Variants in HAPLN2 observed in about 807,000 individuals in gnomAD.
HAPLN2 encodes brain link protein-1.
Under a neutral mutation model 29.3 loss-of-function variants are expected in HAPLN2, and 27 were observed. The ratio of observed to expected loss-of-function variants is 0.92; its 90% CI spans 0.68 to 1.27. The LOEUF (loss-of-function observed/expected upper bound fraction) is 1.27. Ranked by LOEUF, HAPLN2 falls within the 50% of genes most tolerant of loss-of-function variation. The probability of loss-of-function intolerance (pLI) is 0.00; values close to 1 mark genes in which losing one functional copy is unlikely to be tolerated. For missense variants in HAPLN2, 454 were observed against 484.3 expected (o/e 0.94, Z 0.59); for synonymous variants, 208 against 211.7 (o/e 0.98, Z 0.15).
At chr1:156,605,358 G>A in the HAPLN2 span, among the ~76,000 whole-genome samples, 5 of 151,012 alleles carry the variant, frequency 3.3e-5, no homozygotes, top group East Asian at 2.0e-4. Context: ...TTGCGAGGCC[G>A]ACATGGTCAG....
rs1207919606 is a variant in HAPLN2 at position 156,623,033 on chromosome 1, C to CAAAAAAAA, written c.-24-427_-24-426insAAAAAAAA. Among the ~76,000 whole-genome samples the CAAAAAAAA allele has an allele frequency of 7.0e-3, 308 of 43,784 alleles. 18 individuals carry two copies. Among genetic ancestry groups the CAAAAAAAA allele is most frequent in the East Asian group, 0.01 (13 of 1,290 alleles). The allele number at this position is 43,784 out of a possible 152,430, so 28.7% of individuals were successfully genotyped here. ...TGGACCATGGAGCAACACTCTGTCT[C>CAAAAAAAA]AAAAAAATAAATAAATAAATAAATA... On this transcript the variant is annotated intron_variant, in intron 2 of 6. Coordinates refer to ENST00000255039, the MANE Select transcript of HAPLN2 (RefSeq NM_021817.3).
chr1:156,623,997 G>A lies in HAPLN2; in HGVS notation c.276G>A (p.Arg92=), dbSNP rs781216336. The A allele has an allele frequency of 1.2e-6, 2 of 1,609,454 alleles. No individual in the cohort carries two copies. Among genetic ancestry groups the A allele is most frequent in the East Asian group, 4.5e-5 (2 of 44,778 alleles). ...LILITNGLHA[R]GYGPLGGRAR... ...TCATCACCAACGGACTGCACGCCCG[G>A]GGGTATGGGCCCCTGGGAGGGCGCG... The change falls in exon 4 of 7, where the codon CGG becomes CGA. Residue 92 remains arginine (R), a synonymous_variant. Coordinates refer to ENST00000255039, the MANE Select transcript of HAPLN2 (RefSeq NM_021817.3).
chr1:156,604,139 C>A, the HAPLN2 span, among the ~76,000 whole-genome samples: 1 of 151,934 alleles, frequency 6.6e-6, no homozygotes, highest in Non-Finnish European at 1.5e-5. Context: ...ATGCAGATAA[C>A]AAGATGCATA....
At chr1:156,624,899 C>A in intron 6 of HAPLN2, 116 bp downstream of exon 6, 1 of 1,276,576 alleles carries the variant, frequency 7.8e-7, no homozygotes, top group Non-Finnish European at 1.0e-6. Flanking sequence ...AAGGCACCGC[C>A]CCCCCATCAG....
At chr1:156,619,750 T>C (rs1347340200) in intron 1 of HAPLN2, among the ~76,000 whole-genome samples, 1 of 152,190 alleles carries the variant, frequency 6.6e-6, no homozygotes, top group Non-Finnish European at 1.5e-5. Context: ...CCTCACTTTC[T>C]GCACTCTTCC....
chr1:156,609,133 C>T, the HAPLN2 span, among the ~76,000 whole-genome samples: 1 of 152,180 alleles, frequency 6.6e-6, no homozygotes, highest in Non-Finnish European at 1.5e-5. Context: ...GAGGGCTCTG[C>T]TGTAGCATCT....
chr1:156,612,173 A>C, the HAPLN2 span, among the ~76,000 whole-genome samples: 1 of 152,080 alleles, frequency 6.6e-6, no homozygotes, highest in Admixed American at 6.6e-5. Context: ...ACATGTGCCC[A>C]CTACCATGCT....
chr1:156,616,756 G>A (rs1169578126), upstream of HAPLN2, among the ~76,000 whole-genome samples: 3 of 152,052 alleles, frequency 2.0e-5, no homozygotes, highest in Non-Finnish European at 4.4e-5. Flanking sequence ...GAACAGGGAT[G>A]GAGTAGATAG....
At chr1:156,605,311 GC>G in the HAPLN2 span, among the ~76,000 whole-genome samples, 1 of 151,494 alleles carries the variant, frequency 6.6e-6, no homozygotes, top group Non-Finnish European at 1.5e-5. Context: ...AGAAATGTAG[GC>G]CGGGCATGGT....
chr1:156,603,263 C>A, the HAPLN2 span, among the ~76,000 whole-genome samples: 1,861 of 150,460 alleles, frequency 0.012, 43 homozygotes, highest in African/African-American at 0.044. Flanking sequence ...CCCAGGCTGG[C>A]CTTGGACTCC....
Position 156,624,728 on chromosome 1 carries a change from C to G in HAPLN2, c.684C>G (p.Pro228=). The G allele has an allele frequency of 6.4e-7, 1 of 1,568,554 alleles. No individual in the cohort carries two copies. The highest frequency in any genetic ancestry group is 1.4e-5 in the African/African-American group (1 of 73,858). ...RGRPGIRSYG[P]RDRMRDRYDA... is the part of the protein sequence containing the mutation. ...GGCCCGGGATCCGCAGCTACGGACC[C>G]CGCGACCGGATGCGCGACCGCTACG... The change falls in exon 6 of 7, where the codon CCC becomes CCG. Residue 228 remains proline, a synonymous_variant. Coordinates refer to ENST00000255039, the MANE Select transcript of HAPLN2 (RefSeq NM_021817.3).
intron 6 of HAPLN2, 126 bp downstream of exon 6, chr1:156,624,909 G>GCCCCCCCCCCCCCC: frequency 1.0e-5 from 10 of 999,464 alleles, no homozygotes; most frequent in South Asian, 5.5e-5. Flanking sequence ...CCCCCCATCA[G>GCCCCCCCCCCCCCC]CCCGCCCGCC....
chr1:156,603,879 T>C, the HAPLN2 span, among the ~76,000 whole-genome samples: 30 of 152,334 alleles, frequency 2.0e-4, no homozygotes, highest in South Asian at 6.2e-3. Flanking sequence ...ATAAGAGTTA[T>C]GGCAAGGTCA....
At chr1:156,609,183 C>T in the HAPLN2 span, among the ~76,000 whole-genome samples, 2 of 152,184 alleles carry the variant, frequency 1.3e-5, no homozygotes, top group East Asian at 3.9e-4. Flanking sequence ...CCTGGTGATC[C>T]CCTAAACATG....
upstream of HAPLN2, among the ~76,000 whole-genome samples, chr1:156,618,584 CCT>C (rs1678121404): frequency 6.6e-6 from 1 of 151,786 alleles, no homozygotes; most frequent in South Asian, 2.1e-4. Context: ...TCGAGACCAT[CCT>C]GGTTAACACG....
chr1:156,625,540 C>T lies in HAPLN2; in HGVS notation c.*156C>T, dbSNP rs1234709623. 8 of 725,216 alleles carry T rather than the reference C, an allele frequency of 1.1e-5. No homozygotes were observed. The South Asian group carries it at 2.5e-4, about 23-fold the overall frequency. The allele number at this position is 725,216 out of a possible 1,614,324, so 44.9% of individuals were successfully genotyped here. A position where few individuals can be genotyped will look rare whatever the true frequency, so the allele number is the denominator to read the frequency against. On this transcript the variant is annotated 3_prime_UTR_variant, in exon 7 of 7. Coordinates refer to ENST00000255039, the MANE Select transcript of HAPLN2 (RefSeq NM_021817.3). The surrounding 1 kb of genome is among the most constrained non-coding windows in gnomAD (Gnocchi z 5.7). ...GCCGGGGGCTGCGGGCCTCGGACCC[C>T]GGCTGGCCCGGCGGCGGGGAGGGGA...
rs748111743 is a variant in HAPLN2 at position 156,623,874 on chromosome 1, C to T, written c.153C>T (p.Ala51=). The T allele has an allele frequency of 5.1e-6, 8 of 1,569,364 alleles. No individual in the cohort carries two copies. In the Admixed American group the frequency reaches 1.3e-4, roughly 25 times the overall value. The stretch of plus-strand genomic sequence containing the variant: ...AGGTCATTCACTCTCATCGTGGGGC[C>T]ACGGCCACGCTGCCCTGCGTCCTGG... The part of the protein sequence containing the change: ...IHEVIHSHRG[A]TATLPCVLGT... The change falls in exon 4 of 7, where the codon GCC becomes GCT. Residue 51 remains alanine (A), a synonymous_variant. Transcript: ENST00000255039.
chr1:156,603,183 C>T, the HAPLN2 span, among the ~76,000 whole-genome samples: 19 of 151,948 alleles, frequency 1.3e-4, no homozygotes, highest in Non-Finnish European at 1.2e-4. Flanking sequence ...GACTCCTTTT[C>T]CCATTCTGCC....
chr1:156,618,572 G>T (rs563845103), upstream of HAPLN2, among the ~76,000 whole-genome samples: 1 of 151,958 alleles, frequency 6.6e-6, no homozygotes, highest in Non-Finnish European at 1.5e-5. Flanking sequence ...CAGGTCAGGA[G>T]ATCGAGACCA....
Sources: allele counts gnomAD v4.1 joint callset (sites outside exome capture counted in the v4.1 genomes callset), GRCh38; gene constraint gnomAD v4.1.1; non-coding constraint Gnocchi (gnomAD v3.1); transcripts MANE v1.5; gene names NCBI Gene and HGNC (gene_info 2026-07-23, HGNC 2026-07-21).